The following FNDC3B variants were observed in gnomAD, a reference collection of about 807,000 sequenced individuals.
FNDC3B encodes the protein fibronectin type III domain containing 3B.
A neutral mutation model predicts 151.5 loss-of-function variants in FNDC3B; 12 were observed. The observed-to-expected ratio is 0.08, with a 90% CI of 0.05 to 0.13. The LOEUF is 0.13. FNDC3B is among the 10% of genes least tolerant of loss of function. The probability of loss-of-function intolerance (pLI) is 1.00; values close to 1 mark genes in which losing one functional copy is unlikely to be tolerated. For synonymous variants in FNDC3B, 528 were observed against 549.0 expected, an observed-to-expected ratio of 0.96 and a Z score of 0.54; for missense variants, 1,214 against 1,505.3, an observed-to-expected ratio of 0.81 and a Z score of 3.20.
chr3:172,257,056 A>T (rs7637779), intron 6 of FNDC3B, among the ~76,000 whole-genome samples: 14 of 151,748 alleles, frequency 9.2e-5, no homozygotes, highest in African/African-American at 3.1e-4. Flanking sequence ...GATTACAGGC[A>T]CCTGCCACCA....
chr3:172,199,381 G>C (rs953895086), intron 3 of FNDC3B, among the ~76,000 whole-genome samples: 1 of 150,668 alleles, frequency 6.6e-6, no homozygotes. Flanking sequence ...GGGTTTCACC[G>C]TGTTAGCCAG....
intron 1 of FNDC3B, among the ~76,000 whole-genome samples, chr3:172,060,413 A>G (rs1011713582): frequency 6.6e-6 from 1 of 152,068 alleles, no homozygotes; most frequent in Non-Finnish European, 1.5e-5. Context: ...TGTCTTCCCT[A>G]GGCCATGAGA....
At chr3:172,149,559 A>G (rs1722102926) in intron 3 of FNDC3B, among the ~76,000 whole-genome samples, 2 of 152,046 alleles carry the variant, frequency 1.3e-5, no homozygotes, top group Non-Finnish European at 1.5e-5. Context: ...TTAAAGCTTT[A>G]CTTAAATAGG....
intron 3 of FNDC3B, among the ~76,000 whole-genome samples, chr3:172,172,744 C>T (rs896896014): frequency 6.6e-6 from 1 of 152,154 alleles, no homozygotes; most frequent in Non-Finnish European, 1.5e-5. Flanking sequence ...TTTTTATATG[C>T]ATTTATATCG....
At position 172,255,317 on chromosome 3, in the gene FNDC3B, G is replaced by A. The variant is rs139594196; in HGVS notation, c.790+3776G>A. The stretch of plus-strand genomic sequence containing the variant: ...GAATTTCACTCTTGTTGCCCAGGCC[G>A]GAGTGCAATGGCGTGACCTCAGCTC... On this transcript the variant is annotated intron_variant, in intron 6 of 25. Transcript: ENST00000415807. Among the ~76,000 whole-genome samples, 748 of 152,204 alleles carry A rather than the reference G, an allele frequency of 4.9e-3. 5 individuals are homozygous for A. The highest frequency in any genetic ancestry group is 0.017 in the African/African-American group (705 of 41,522).
At position 172,251,392 on chromosome 3, in the gene FNDC3B, A is replaced by G. The variant is rs758851922; in HGVS notation, c.641A>G (p.Tyr214Cys). 5 of 1,614,078 alleles carry G rather than the reference A, an allele frequency of 3.1e-6. No individual in the cohort carries two copies. Among genetic ancestry groups the G allele is most frequent in the Non-Finnish European group, 3.4e-6 (4 of 1,179,990 alleles). The change falls in exon 6 of 26, where the codon TAC becomes TGC. Residue 214 changes from tyrosine (Y) to cysteine (C), a missense_variant. By Grantham distance (194) the Tyr-to-Cys change is radical. Transcript: ENST00000415807. ...NRLNSPPSSI[Y>C]KSSCTTVYNG... The stretch of plus-strand genomic sequence containing the variant: ...CTCAACAGCCCTCCTTCTTCTATCT[A>G]CAAAAGCAGCTGCACAACAGTATAC...
intron 3 of FNDC3B, among the ~76,000 whole-genome samples, chr3:172,188,929 A>C (rs928761000): frequency 6.6e-6 from 1 of 152,150 alleles, no homozygotes; most frequent in Non-Finnish European, 1.5e-5. Context: ...CAATTACATA[A>C]TTTTATTTTG....
chr3:172,251,640 G>A, intron 6 of FNDC3B, 99 bp downstream of exon 6: 2 of 1,195,342 alleles, frequency 1.7e-6, no homozygotes, highest in Non-Finnish European at 2.3e-6. Context: ...TTTCATGGTG[G>A]TTGGTTGTTC....
intron 3 of FNDC3B, among the ~76,000 whole-genome samples, chr3:172,149,165 G>A (rs1202685993): frequency 6.6e-6 from 1 of 152,142 alleles, no homozygotes. Context: ...TACTAACTCT[G>A]CACCTTCCAC....
intron 1 of FNDC3B, among the ~76,000 whole-genome samples, chr3:172,047,108 A>G (rs1361096650): frequency 6.6e-6 from 1 of 152,210 alleles, no homozygotes; most frequent in Non-Finnish European, 1.5e-5. Flanking sequence ...ATAAAGGCCA[A>G]CTAGTCATAA....
chr3:172,347,240 C>T lies in FNDC3B; in HGVS notation c.2393C>T (p.Ser798Leu), dbSNP rs1733656373. Residue 798 changes from serine to leucine, a missense_variant, in exon 21 of 26, where the codon TCA becomes TTA. Ser to Leu is a moderately radical substitution (Grantham distance 145). This residue lies in a region of FNDC3B where 380 missense variants were observed against 420.9 expected (regional missense o/e 0.90). Transcript: ENST00000415807. ...CCTGATAGTTCTGGTGCTGACATCT[C>T]AGAGTACAGGTTGGAATGGGGAGAA... ...ESPDSSGADISEYRLEWGEDE... is the reference protein window; with the variant it reads ...ESPDSSGADILEYRLEWGEDE... The T allele has an allele frequency of 1.2e-6, 2 of 1,613,706 alleles. No homozygotes were observed. Among genetic ancestry groups the T allele is most frequent in the South Asian group, 2.2e-5 (2 of 91,026 alleles).
At chr3:172,252,491 A>G (rs1490761977) in intron 6 of FNDC3B, among the ~76,000 whole-genome samples, 1 of 151,714 alleles carries the variant, frequency 6.6e-6, no homozygotes, top group Admixed American at 6.5e-5. Flanking sequence ...CTCATTGATT[A>G]TAACACTCAT....
chr3:172,270,083 A>C (rs1019719715), intron 6 of FNDC3B, among the ~76,000 whole-genome samples: 15 of 152,288 alleles, frequency 9.8e-5, no homozygotes, highest in Non-Finnish European at 2.9e-5. Context: ...GAGACAAGTA[A>C]CACATTTCTG....
intron 22 of FNDC3B, among the ~76,000 whole-genome samples, chr3:172,359,493 G>A (rs1004452943): frequency 3.1e-4 from 47 of 152,148 alleles, no homozygotes; most frequent in African/African-American, 9.7e-4. Context: ...ACACTGGAAG[G>A]ACCTTAATAT....
intron 3 of FNDC3B, among the ~76,000 whole-genome samples, chr3:172,174,972 C>T (rs1322816321): frequency 1.5e-5 from 2 of 129,890 alleles, no homozygotes; most frequent in Non-Finnish European, 3.2e-5. Context: ...CCATCCGGTC[C>T]CATGTCCTAG....
At chr3:172,305,083 A>T (rs1372034082) in intron 9 of FNDC3B, among the ~76,000 whole-genome samples, 1 of 152,138 alleles carries the variant, frequency 6.6e-6, no homozygotes, top group Non-Finnish European at 1.5e-5. Context: ...TAGTTTAATG[A>T]ACTCTCATCA....
At chr3:172,150,924 A>T (rs1284110324) in intron 3 of FNDC3B, among the ~76,000 whole-genome samples, 1 of 152,182 alleles carries the variant, frequency 6.6e-6, no homozygotes, top group Non-Finnish European at 1.5e-5. Flanking sequence ...GTATTTTTTA[A>T]AAAATAACAA....
chr3:172,050,345 G>C (rs1417973908), intron 1 of FNDC3B, among the ~76,000 whole-genome samples: 1 of 151,828 alleles, frequency 6.6e-6, no homozygotes, highest in African/African-American at 2.4e-5. Flanking sequence ...AGATTGCAAG[G>C]GTGTGATAGT....
intron 24 of FNDC3B, among the ~76,000 whole-genome samples, chr3:172,379,100 A>G (rs544853004): frequency 3.9e-5 from 6 of 152,312 alleles, no homozygotes; most frequent in South Asian, 2.1e-4. Flanking sequence ...AGCCTGTTAT[A>G]TAGCCACAGA....
Sources: allele counts gnomAD v4.1 joint callset (sites outside exome capture counted in the v4.1 genomes callset), GRCh38; gene constraint gnomAD v4.1.1; regional missense constraint gnomAD v4.1.1; transcripts MANE v1.5; gene names NCBI Gene and HGNC (gene_info 2026-07-23, HGNC 2026-07-21).